Variants in COL5A2 observed in about 807,000 individuals in gnomAD.
COL5A2 encodes collagen alpha-2(V) chain.
In COL5A2, 23 loss-of-function variants were observed where a neutral mutation model predicts 208.2. That is an observed-to-expected ratio of 0.11 (90% CI 0.08 to 0.16). COL5A2 has a LOEUF of 0.16. Among genes scored for constraint, COL5A2 ranks in the 10% least tolerant of loss-of-function variants. The pLI is 1.00. For synonymous variants in COL5A2, 625 were observed against 628.5 expected, an observed-to-expected ratio of 0.99 and a Z score of 0.08; for missense variants, 1,590 against 1,956.4, an observed-to-expected ratio of 0.81 and a Z score of 3.53.
At chr2:189,316,258 C>T in the COL5A2 span, among the ~76,000 whole-genome samples, 2 of 152,066 alleles carry the variant, frequency 1.3e-5, no homozygotes, top group Admixed American at 1.3e-4. Context: ...TACATATATA[C>T]CATGAAATAC....
At chr2:189,064,520 T>A (rs778083777) in intron 25 of COL5A2, 37 bp downstream of exon 25, 5 of 1,436,022 alleles carry the variant, frequency 3.5e-6, no homozygotes, top group African/African-American at 1.4e-5. Flanking sequence ...GGAGCACTTC[T>A]CCCCTTTGAT....
the COL5A2 span, among the ~76,000 whole-genome samples, chr2:189,302,903 G>A: frequency 6.6e-6 from 1 of 152,128 alleles, no homozygotes; most frequent in East Asian, 1.9e-4. Context: ...CAAGAGTAGT[G>A]ATGCTTTCAA....
intron 2 of COL5A2, among the ~76,000 whole-genome samples, chr2:189,105,651 G>GTC (rs1576530444): frequency 2.6e-5 from 4 of 150,962 alleles, no homozygotes; most frequent in East Asian, 3.9e-4. Flanking sequence ...CTCATTTTTT[G>GTC]TGTCACACAA....
intron 1 of COL5A2, among the ~76,000 whole-genome samples, chr2:189,197,470 TA>T (rs1293601178): frequency 6.6e-6 from 1 of 151,888 alleles, no homozygotes; most frequent in South Asian, 2.1e-4. Context: ...ATTAATTAAT[TA>T]AAAAATTATC....
At chr2:189,107,382 T>G (rs1687171752) in intron 2 of COL5A2, among the ~76,000 whole-genome samples, 1 of 151,598 alleles carries the variant, frequency 6.6e-6, no homozygotes, top group African/African-American at 2.4e-5. Flanking sequence ...CTCTTAATGA[T>G]TCTTTCATGT....
the COL5A2 span, among the ~76,000 whole-genome samples, chr2:189,392,784 C>G: frequency 6.6e-6 from 1 of 152,102 alleles, no homozygotes; most frequent in Non-Finnish European, 1.5e-5. Flanking sequence ...TTTGAAGGAC[C>G]ATCTATTTTC....
intron 1 of COL5A2, among the ~76,000 whole-genome samples, chr2:189,118,166 C>A (rs1298207726): frequency 6.6e-6 from 1 of 151,776 alleles, no homozygotes; most frequent in Admixed American, 6.6e-5. Context: ...GTGGGCCAAA[C>A]CTACAAAGCT....
rs1685782658 is a variant in COL5A2 at position 189,051,360 on chromosome 2, C to G, written c.2891G>C (p.Gly964Ala). Residue 964 changes from glycine to alanine, a missense_variant, in exon 42 of 54, where the codon GGC (glycine) becomes GCC (alanine). Physicochemically the swap from Gly to Ala is moderately conservative, Grantham distance 60 (BLOSUM62 0). Coordinates refer to ENST00000374866, the MANE Select transcript of COL5A2 (RefSeq NM_000393.5). The stretch of plus-strand genomic sequence containing the variant: ...TCCTGGGTCCCCTTTGTCTCCTGGG[C>G]CACCAGGGGGGCCAGCTGGTCCTCG... ...GDRGPAGPPG[G>A]PGDKGDPGED... 4 of 1,613,970 alleles carry G rather than the reference C, an allele frequency of 2.5e-6. No homozygotes were observed. The highest frequency in any genetic ancestry group is 3.4e-6 in the Non-Finnish European group (4 of 1,179,954).
chr2:189,427,489 T>A, the COL5A2 span, among the ~76,000 whole-genome samples: 4 of 152,236 alleles, frequency 2.6e-5, no homozygotes, highest in Admixed American at 2.0e-4. Flanking sequence ...GAATCCCCAA[T>A]GGGGCACTGC....
Position 189,090,366 on chromosome 2 carries a change from G to A in COL5A2, c.568-1594C>T, listed in dbSNP as rs566742558. On this transcript the variant is annotated intron_variant, in intron 7 of 53. Transcript: ENST00000374866. ...AAGCTAGAAAATGTTGGTTTATGAG[G>A]TTAAAGGAAAGAAGCCATCTCCATA... Among the ~76,000 whole-genome samples, 12 of 152,298 alleles carry A rather than the reference G, an allele frequency of 7.9e-5. No homozygotes were observed. The South Asian group carries it at 2.1e-3, about 26-fold the overall frequency.
At chr2:189,430,614 A>C in the COL5A2 span, among the ~76,000 whole-genome samples, 1 of 152,196 alleles carries the variant, frequency 6.6e-6, no homozygotes, top group Admixed American at 6.5e-5. Context: ...CTGAGATCAA[A>C]CTCAGCCTGG....
the COL5A2 span, among the ~76,000 whole-genome samples, chr2:189,414,691 T>C: frequency 9.6e-5 from 14 of 146,562 alleles, no homozygotes; most frequent in African/African-American, 3.3e-4. Flanking sequence ...AGAGGTTGCA[T>C]TGCAGTGAGC....
At chr2:189,136,524 G>T (rs201946112) in intron 1 of COL5A2, among the ~76,000 whole-genome samples, 1 of 105,930 alleles carries the variant, frequency 9.4e-6, no homozygotes, top group Non-Finnish European at 2.0e-5. Context: ...AAATATATAT[G>T]TATATAAAAA....
chr2:189,253,448 G>A, the COL5A2 span, among the ~76,000 whole-genome samples: 3 of 152,190 alleles, frequency 2.0e-5, no homozygotes, highest in African/African-American at 4.8e-5. Context: ...GCAACAAGCC[G>A]GCTAAGGAAG....
intron 1 of COL5A2, among the ~76,000 whole-genome samples, chr2:189,177,692 G>C (rs987077222): frequency 1.3e-5 from 2 of 152,076 alleles, no homozygotes; most frequent in Non-Finnish European, 2.9e-5. Context: ...GGTTGGATTG[G>C]AGTTGGGGAC....
At chr2:189,327,441 G>C in the COL5A2 span, among the ~76,000 whole-genome samples, 2 of 152,080 alleles carry the variant, frequency 1.3e-5, no homozygotes, top group Non-Finnish European at 2.9e-5. Flanking sequence ...GACAGAATTA[G>C]AGAGAAAGGG....
At chr2:189,107,678 A>C (rs1296816799) in intron 2 of COL5A2, among the ~76,000 whole-genome samples, 1 of 151,410 alleles carries the variant, frequency 6.6e-6, no homozygotes, top group African/African-American at 2.4e-5. Context: ...TTTTGTTAAA[A>C]TTTTAAAAAT....
At chr2:189,271,390 A>G in the COL5A2 span, among the ~76,000 whole-genome samples, 2 of 152,302 alleles carry the variant, frequency 1.3e-5, no homozygotes, top group East Asian at 3.9e-4. Context: ...CAAACCTGAT[A>G]AAAACAAGCA....
At chr2:189,187,903 A>G (rs550131163) in intron 1 of COL5A2, among the ~76,000 whole-genome samples, 1 of 151,646 alleles carries the variant, frequency 6.6e-6, no homozygotes. Context: ...CGGGAGGCGG[A>G]GCTTGCAGTG....
Sources: gnomAD v4.1 joint callset for allele counts (sites outside exome capture counted in the v4.1 genomes callset) on GRCh38, gnomAD v4.1.1 for gene constraint, MANE v1.5 for transcripts, NCBI Gene and HGNC (gene_info 2026-07-23, HGNC 2026-07-21) for gene names.